ADGRG6: variants seen among roughly 807,000 people sequenced by gnomAD.
The protein encoded by ADGRG6 is G-protein coupled receptor 126.
Under a neutral mutation model 142.4 loss-of-function variants are expected in ADGRG6, and 84 were observed. The ratio of observed to expected loss-of-function variants is 0.59; its 90% CI spans 0.49 to 0.71. The LOEUF is 0.71. Ranked by LOEUF, ADGRG6 falls within the 30% of genes least tolerant of loss-of-function variation. ADGRG6 has a pLI of 0.00. For missense variants in ADGRG6, 1,367 were observed against 1,466.6 expected (o/e 0.93, Z 1.11); for synonymous variants, 521 against 520.5 (o/e 1.00, Z -0.01).
intron 13 of ADGRG6, among the ~76,000 whole-genome samples, 179 bp downstream of exon 13, chr6:142,403,009 T>G (rs769152451): frequency 1.4e-5 from 2 of 146,582 alleles, no homozygotes; most frequent in African/African-American, 2.7e-5. Flanking sequence ...TTCTGTGTGT[T>G]TTTTTTTTTG....
intron 10 of ADGRG6, among the ~76,000 whole-genome samples, chr6:142,398,147 C>T (rs1775299584): frequency 6.6e-6 from 1 of 152,162 alleles, no homozygotes; most frequent in African/African-American, 2.4e-5. Flanking sequence ...ACATCTCCTG[C>T]TGGGCATGGT....
chr6:142,391,583 A>C (rs1774901572), intron 7 of ADGRG6, among the ~76,000 whole-genome samples: 2 of 151,776 alleles, frequency 1.3e-5, no homozygotes, highest in African/African-American at 4.8e-5. Context: ...ATAGTAGGTA[A>C]TTAACTCTGT....
chr6:142,363,474 G>A (rs1394237371), intron 2 of ADGRG6, among the ~76,000 whole-genome samples: 8 of 152,072 alleles, frequency 5.3e-5, no homozygotes, highest in Admixed American at 6.5e-5. Context: ...GTAAAAATAC[G>A]CACAAGTAAA....
intron 2 of ADGRG6, among the ~76,000 whole-genome samples, chr6:142,347,910 T>C (rs1779986129): frequency 6.6e-6 from 1 of 152,204 alleles, no homozygotes; most frequent in Non-Finnish European, 1.5e-5. Flanking sequence ...GTTGGTTATT[T>C]TTTATATTCT....
intron 2 of ADGRG6, among the ~76,000 whole-genome samples, chr6:142,357,858 G>A (rs1171655422): frequency 6.6e-6 from 1 of 152,140 alleles, no homozygotes; most frequent in Non-Finnish European, 1.5e-5. Context: ...AAGGAAGTAG[G>A]GGCTCAGTAA....
chr6:142,404,791 G>C (rs753935030), intron 14 of ADGRG6, among the ~76,000 whole-genome samples: 1 of 152,180 alleles, frequency 6.6e-6, no homozygotes, highest in Non-Finnish European at 1.5e-5. Context: ...AGACATTGCT[G>C]GTCTAAGGAT....
chr6:142,418,545 AAAGTAGAAATTAATAAATAATTTCT>A (rs1396180995), intron 21 of ADGRG6, among the ~76,000 whole-genome samples: 1 of 152,126 alleles, frequency 6.6e-6, no homozygotes, highest in Non-Finnish European at 1.5e-5. Context: ...ACATACATTA[AAAGTAGAAATTAATAAATAATTTCT>A]AAATAAGAGA....
chr6:142,400,693 T>A, intron 11 of ADGRG6, 97 bp downstream of exon 11: 1 of 684,890 alleles, frequency 1.5e-6, no homozygotes, highest in Non-Finnish European at 2.7e-6. Context: ...TTATATTGAT[T>A]GCAAAGAAGG....
chr6:142,336,996 T>A (rs1779349053), intron 2 of ADGRG6, among the ~76,000 whole-genome samples: 1 of 152,218 alleles, frequency 6.6e-6, no homozygotes, highest in Admixed American at 6.5e-5. Flanking sequence ...TGGTTTTGCC[T>A]CAGCTGGGCA....
intron 2 of ADGRG6, among the ~76,000 whole-genome samples, chr6:142,347,378 A>T (rs1779954982): frequency 6.6e-6 from 1 of 152,208 alleles, no homozygotes; most frequent in Non-Finnish European, 1.5e-5. Context: ...CCAAATTTTA[A>T]TGTCAATTTG....
At chr6:142,338,084 G>A (rs1490399265) in intron 2 of ADGRG6, among the ~76,000 whole-genome samples, 1 of 123,936 alleles carries the variant, frequency 8.1e-6, no homozygotes, top group Non-Finnish European at 1.6e-5. Context: ...GCAGTGGCGC[G>A]ATCTTGGCTC....
Position 142,370,386 on chromosome 6 carries a change from G to T in ADGRG6, c.662G>T (p.Gly221Val), listed in dbSNP as rs1781181197. 6.2e-7 allele frequency: 1 copy of T among 1,613,172 alleles called. No individual in the cohort carries two copies. The highest frequency in any genetic ancestry group is 8.5e-7 in the Non-Finnish European group (1 of 1,179,280). ...QLLSFGKAKS[G>V]YFLSISDSKC... ...CTCAGTTTTGGAAAGGCCAAGAGTG[G>T]CTACTTTCTATCCATTTCTGATTCA... Residue 221 changes from glycine to valine, a missense_variant, in exon 4 of 25, where the codon GGC (glycine) becomes GTC (valine). Gly to Val is a moderately radical substitution (Grantham distance 109, BLOSUM62 -3). This residue lies in a region of ADGRG6 where 737 missense variants were observed against 746.5 expected (regional missense o/e 0.99). Transcript: ENST00000367609.
chr6:142,417,134 A>T (rs987061931), intron 20 of ADGRG6, 139 bp from the exon 21 acceptor site: 3 of 701,864 alleles, frequency 4.3e-6, no homozygotes, highest in Non-Finnish European at 5.2e-6. Context: ...ATTTCTAAGA[A>T]GTTTGAATCT....
At chr6:142,352,343 C>T (rs188604891) in intron 2 of ADGRG6, among the ~76,000 whole-genome samples, 115 of 152,210 alleles carry the variant, frequency 7.6e-4, no homozygotes, top group Middle Eastern at 3.4e-3. Flanking sequence ...GGCCATTATC[C>T]TAAGTGAACT....
intron 2 of ADGRG6, among the ~76,000 whole-genome samples, chr6:142,363,187 G>C (rs904114690): frequency 2.6e-5 from 4 of 152,108 alleles, no homozygotes; most frequent in Admixed American, 2.6e-4. Context: ...CCACAAATCT[G>C]TGTTGAAAGA....
chr6:142,309,326 A>G (rs1214663962), intron 1 of ADGRG6, among the ~76,000 whole-genome samples: 2 of 151,882 alleles, frequency 1.3e-5, no homozygotes, highest in East Asian at 3.8e-4. Flanking sequence ...AACTGCTACC[A>G]TGTGGCAAAT....
At chr6:142,394,235 C>T (rs1323457604) in intron 9 of ADGRG6, among the ~76,000 whole-genome samples, 5 of 151,952 alleles carry the variant, frequency 3.3e-5, no homozygotes, top group African/African-American at 1.2e-4. Flanking sequence ...TTATCATAAC[C>T]CATTGCCTCT....
intron 4 of ADGRG6, among the ~76,000 whole-genome samples, chr6:142,379,007 C>G (rs1365204791): frequency 1.3e-5 from 2 of 152,152 alleles, no homozygotes; most frequent in Non-Finnish European, 2.9e-5. Flanking sequence ...CAATCTATCT[C>G]CAGTGATCCC....
intron 22 of ADGRG6, among the ~76,000 whole-genome samples, chr6:142,436,380 C>G (rs986875991): frequency 1.3e-5 from 2 of 151,968 alleles, no homozygotes; most frequent in Non-Finnish European, 2.9e-5. Context: ...TGAGTGCTGC[C>G]GAGACGTCTA....
Sources: gnomAD v4.1 joint callset for allele counts (sites outside exome capture counted in the v4.1 genomes callset) on GRCh38, gnomAD v4.1.1 for gene constraint, gnomAD v4.1.1 regional missense constraint, MANE v1.5 for transcripts, NCBI Gene and HGNC (gene_info 2026-07-23, HGNC 2026-07-21) for gene names.